Variants in PEX1 observed in about 807,000 individuals in gnomAD.
PEX1 encodes the protein peroxisomal biogenesis factor 1, also known as peroxisomal ATPase PEX1.
In PEX1, 97 loss-of-function variants were observed where a neutral mutation model predicts 152.5. That is an observed-to-expected ratio of 0.64 (90% confidence interval 0.54 to 0.75). PEX1 has a LOEUF of 0.75. PEX1 is among the 30% of genes least tolerant of loss of function. The pLI is 0.00. For missense variants in PEX1, 1,357 were observed against 1,516.3 expected, an observed-to-expected ratio of 0.89 and a Z score of 1.74; for synonymous variants, 485 against 531.6, an observed-to-expected ratio of 0.91 and a Z score of 1.21.
At chr7:92,509,743 A>T (rs1365256275) in intron 8 of PEX1, among the ~76,000 whole-genome samples, 1 of 152,178 alleles carries the variant, frequency 6.6e-6, no homozygotes, top group East Asian at 1.9e-4. Flanking sequence ...ACATTTCAAA[A>T]ATAAAGAAAC....
rs1791966341 is a variant in PEX1, at chr7:92,502,219, G to A, written c.2227-140C>T. 7 of 641,078 alleles carry A rather than the reference G, an allele frequency of 1.1e-5. No individual in the cohort carries two copies. In the East Asian group the frequency reaches 1.6e-4, roughly 15 times the overall value. 39.7% of individuals were successfully genotyped at this position (641,078 alleles called of 1,614,324 possible). ...AGTTGTCTGGGGATGGAGCAGGGGA[G>A]GAATGGGTAGTAAAAGGGCTAGGAG... On this transcript the variant is annotated intron_variant, in intron 13 of 23. Transcript: ENST00000248633.
intron 9 of PEX1, among the ~76,000 whole-genome samples, chr7:92,508,693 C>A (rs570832822): frequency 7.2e-5 from 11 of 152,134 alleles, no homozygotes; most frequent in Non-Finnish European, 1.3e-4. Flanking sequence ...TCTGTGGAGA[C>A]TTCTAAGAGG....
rs1355223648 is a variant in PEX1 at position 92,528,492 on chromosome 7, C to G, written c.-57G>C. 4 of 1,503,124 alleles carry G rather than the reference C, an allele frequency of 2.7e-6. No homozygotes were observed. The highest frequency in any genetic ancestry group is 3.6e-6 in the Non-Finnish European group (4 of 1,126,108). 93.1% of individuals were successfully genotyped at this position (1,503,124 alleles called of 1,614,324 possible). ...CCTAGCGCCGCAAAGGACCCGGGAC[C>G]CGGCAGGCCGAGGACGTCGGAGCCG... is the stretch of plus-strand genomic sequence containing the variant. On this transcript the variant is annotated 5_prime_UTR_variant, in exon 1 of 24. Coordinates refer to ENST00000248633, the MANE Select transcript of PEX1 (RefSeq NM_000466.3).
rs767877383 is a variant in PEX1 at position 92,494,560 on chromosome 7, A to AT, written c.2852dup (p.His951GlnfsTer2). The AT allele has an allele frequency of 6.2e-7, 1 of 1,613,974 alleles. No homozygotes were observed. Among genetic ancestry groups the AT allele is most frequent in the Admixed American group, 1.7e-5 (1 of 60,024 alleles). On this transcript the variant is annotated frameshift_variant, in exon 18 of 24. Coordinates refer to ENST00000248633, the MANE Select transcript of PEX1 (RefSeq NM_000466.3). LOFTEE classifies it high-confidence loss of function. Reference sequence around the variant, plus strand: ...CTCGGTCTGTAACTCCTGTATTATCATGACCCCGCCGAGGAGCAATGGATT... The same window carrying AT: ...CTCGGTCTGTAACTCCTGTATTATCATTGACCCCGCCGAGGAGCAATGGATT...
At chr7:92,505,165 C>T (rs1792126830) in intron 11 of PEX1, among the ~76,000 whole-genome samples, 1 of 152,072 alleles carries the variant, frequency 6.6e-6, no homozygotes, top group African/African-American at 2.4e-5. Flanking sequence ...AATCCCAGCA[C>T]TTTGGGAAAC....
intron 6 of PEX1, among the ~76,000 whole-genome samples, chr7:92,513,257 A>G (rs981072065): frequency 5.3e-5 from 8 of 152,258 alleles, no homozygotes; most frequent in East Asian, 3.8e-4. Context: ...TTGTACACCA[A>G]TGTTCACTGT....
At chr7:92,527,154 AT>A (rs569110157) in intron 1 of PEX1, among the ~76,000 whole-genome samples, 146 of 152,372 alleles carry the variant, frequency 9.6e-4, no homozygotes, top group African/African-American at 3.3e-3. Flanking sequence ...AAGGCTCAAA[AT>A]TTAAAACAAA....
intron 20 of PEX1, 111 bp downstream of exon 20, chr7:92,492,842 A>T: frequency 1.2e-6 from 1 of 833,008 alleles, no homozygotes; most frequent in Non-Finnish European, 2.1e-6. Flanking sequence ...ATGTTTCTAT[A>T]CAGTTTTACC....
intron 1 of PEX1, among the ~76,000 whole-genome samples, chr7:92,525,606 C>T (rs998941245): frequency 2.6e-5 from 4 of 152,082 alleles, no homozygotes; most frequent in African/African-American, 4.8e-5. Context: ...GCAGTACAGG[C>T]GTCTACTGGA....
intron 13 of PEX1, 151 bp downstream of exon 13, chr7:92,502,890 C>A: frequency 2.9e-6 from 2 of 684,810 alleles, no homozygotes; most frequent in Non-Finnish European, 5.0e-6. Flanking sequence ...ATAATTTATG[C>A]CTCTAGCACA....
chr7:92,503,829 T>A (rs1792049135), intron 12 of PEX1, among the ~76,000 whole-genome samples: 1 of 152,134 alleles, frequency 6.6e-6, no homozygotes, highest in African/African-American at 2.4e-5. Flanking sequence ...TAGGTAATAA[T>A]AATCCAAGCC....
intron 6 of PEX1, among the ~76,000 whole-genome samples, chr7:92,512,863 T>G (rs1486193197): frequency 6.6e-6 from 1 of 152,004 alleles, no homozygotes; most frequent in African/African-American, 2.4e-5. Flanking sequence ...ACTCTTGGCC[T>G]CAAGCAATCC....
chr7:92,496,131 A>G (rs1791642853), intron 17 of PEX1, among the ~76,000 whole-genome samples: 1 of 152,070 alleles, frequency 6.6e-6, no homozygotes. Context: ...TAAGCTGCAT[A>G]TGTATTTTAT....
intron 2 of PEX1, among the ~76,000 whole-genome samples, chr7:92,521,652 G>C (rs901276725): frequency 6.6e-6 from 1 of 151,122 alleles, no homozygotes; most frequent in Non-Finnish European, 1.5e-5. Flanking sequence ...GGGCAGGCTG[G>C]TCTCCAACTC....
intron 1 of PEX1, among the ~76,000 whole-genome samples, chr7:92,522,549 C>G (rs1003177067): frequency 1.3e-5 from 2 of 152,308 alleles, no homozygotes; most frequent in East Asian, 1.9e-4. Flanking sequence ...CCACATATAA[C>G]TATTTGAGCA....
chr7:92,506,754 T>A, intron 10 of PEX1: 1 of 556,066 alleles, frequency 1.8e-6, no homozygotes, highest in South Asian at 2.1e-5. Context: ...TATAATTGTA[T>A]CAACTGACAC....
chr7:92,504,422 T>C (rs946485143), intron 12 of PEX1, among the ~76,000 whole-genome samples: 11 of 152,098 alleles, frequency 7.2e-5, no homozygotes, highest in African/African-American at 1.9e-4. Flanking sequence ...GAATACAGAC[T>C]GTGCACAAGC....
chr7:92,503,259 AT>A (rs1197498268), intron 12 of PEX1, 64 bp from the exon 13 acceptor site: 27 of 1,389,508 alleles, frequency 1.9e-5, no homozygotes, highest in Non-Finnish European at 2.5e-5. Context: ...AAAATTATAC[AT>A]TCATTAAAAA....
rs758706584 is a variant in PEX1 at position 92,504,808 on chromosome 7, G to A, written c.1995C>T (p.Asp665=). Residue 665 remains aspartate (D), a synonymous_variant, in exon 12 of 24, where the codon GAC becomes GAT. Transcript: ENST00000248633. ...QPSVVLLDDL[D]LIAGLPAVPE... ...GGACAGCAGGCAGTCCAGCAATGAG[G>A]TCAAGGTCATCCAGCAGGACAACAG... The A allele has an allele frequency of 2.6e-5, 42 of 1,613,942 alleles. No individual in the cohort carries two copies. The highest frequency in any genetic ancestry group is 3.4e-5 in the Non-Finnish European group (40 of 1,179,940).
Sources: allele counts gnomAD v4.1 joint callset (sites outside exome capture counted in the v4.1 genomes callset), GRCh38; gene constraint gnomAD v4.1.1; transcripts MANE v1.5; gene names NCBI Gene and HGNC (gene_info 2026-07-23, HGNC 2026-07-21).